The following LMBRD1 variants were observed in gnomAD, a reference collection of about 807,000 sequenced individuals.
The protein encoded by LMBRD1 is LMBR1 domain containing 1, also known as lysosomal cobalamin transport escort protein LMBD1.
Under a neutral mutation model 74.8 loss-of-function variants are expected in LMBRD1, and 64 were observed. The ratio of observed to expected loss-of-function variants is 0.86; its 90% CI spans 0.70 to 1.05. The LOEUF (loss-of-function observed/expected upper bound fraction) is 1.05, where lower values mean the gene tolerates loss of function less well. Ranked by LOEUF, LMBRD1 falls within the 50% of genes least tolerant of loss-of-function variation. The pLI is 0.00. For missense variants in LMBRD1, 652 were observed against 645.9 expected, an observed-to-expected ratio of 1.01 and a Z score of -0.10; for synonymous variants, 204 against 216.3, an observed-to-expected ratio of 0.94 and a Z score of 0.50.
rs771127012 is a variant in LMBRD1, at chr6:69,738,012, C to G, written c.566G>C (p.Gly189Ala). 1 of 1,606,768 alleles carries G rather than the reference C, an allele frequency of 6.2e-7. No individual in the cohort carries two copies. Among genetic ancestry groups the G allele is most frequent in the African/African-American group, 1.3e-5 (1 of 74,644 alleles). Residue 189 changes from glycine to alanine, a missense_variant, in exon 7 of 16, where the codon GGT becomes GCT. Gly to Ala is a moderately conservative substitution (Grantham distance 60, BLOSUM62 0). This residue lies in a region of LMBRD1 where 598 missense variants were observed against 581.8 expected (regional missense o/e 1.03). Coordinates refer to ENST00000649934, the MANE Select transcript of LMBRD1 (RefSeq NM_018368.4). ...SLFEELGSSH[G>A]LAALSFSISS... Reference sequence around the variant, plus strand: ...GATAGAAAATGACAATGCAGCTAAACCATCTGTGAAGAAAGAAAAACTGTT... The same window carrying G: ...GATAGAAAATGACAATGCAGCTAAAGCATCTGTGAAGAAAGAAAAACTGTT...
At chr6:69,707,163 T>C (rs913723850) in intron 9 of LMBRD1, among the ~76,000 whole-genome samples, 3 of 152,154 alleles carry the variant, frequency 2.0e-5, no homozygotes, top group African/African-American at 7.2e-5. Flanking sequence ...CTTGTCACAT[T>C]TCCCCCTCCA....
At chr6:69,724,221 G>A (rs770997794) in intron 7 of LMBRD1, among the ~76,000 whole-genome samples, 11 of 151,068 alleles carry the variant, frequency 7.3e-5, no homozygotes, top group East Asian at 5.9e-4. Flanking sequence ...ATCCACTGCC[G>A]AATTCTATCA....
intron 14 of LMBRD1, among the ~76,000 whole-genome samples, chr6:69,689,617 G>A (rs1765835380): frequency 6.6e-6 from 1 of 152,092 alleles, no homozygotes; most frequent in Non-Finnish European, 1.5e-5. Flanking sequence ...CATCAAGAGT[G>A]AGATTTTCCT....
intron 1 of LMBRD1, 145 bp downstream of exon 1, chr6:69,796,668 A>C (rs2149900986): frequency 3.8e-5 from 24 of 637,358 alleles, no homozygotes; most frequent in East Asian, 1.1e-4. Context: ...CCAAGCCCCC[A>C]ACACTAAGGA....
At chr6:69,720,063 T>C (rs1312677645) in intron 7 of LMBRD1, among the ~76,000 whole-genome samples, 4 of 152,228 alleles carry the variant, frequency 2.6e-5, no homozygotes, top group African/African-American at 9.6e-5. Flanking sequence ...TTAGTGTTAA[T>C]TTTAATTAGT....
intron 1 of LMBRD1, among the ~76,000 whole-genome samples, chr6:69,794,309 T>C (rs1766162588): frequency 7.0e-6 from 1 of 142,638 alleles, no homozygotes. Flanking sequence ...CAATTTAAAT[T>C]AAGACTGTGC....
At position 69,790,446 on chromosome 6, in the gene LMBRD1, A is replaced by G; in HGVS notation, c.96T>C (p.Tyr32=). 6.2e-7 allele frequency: 1 copy of G among 1,614,056 alleles called. No individual in the cohort carries two copies. The highest frequency in any genetic ancestry group is 8.5e-7 in the Non-Finnish European group (1 of 1,179,952). ...CCCGCCGACTTTGGTATTTACGAACATATATCCAGCAGAATGCCAAAATAG... is the reference window on the plus strand; with the variant it reads ...CCCGCCGACTTTGGTATTTACGAACGTATATCCAGCAGAATGCCAAAATAG... ...LLAILAFCWI[Y]VRKYQSRRES... Residue 32 remains tyrosine (Y), a synonymous_variant, in exon 2 of 16, where the codon TAT becomes TAC. Transcript: ENST00000649934.
chr6:69,718,890 T>C, intron 8 of LMBRD1, 66 bp downstream of exon 8: 1 of 1,556,652 alleles, frequency 6.4e-7, no homozygotes, highest in Non-Finnish European at 8.8e-7. Flanking sequence ...GTCTAAGTCA[T>C]ATCAGAAAGC....
intron 9 of LMBRD1, among the ~76,000 whole-genome samples, chr6:69,708,239 A>C (rs1766304930): frequency 6.6e-6 from 1 of 152,176 alleles, no homozygotes; most frequent in Admixed American, 6.5e-5. Flanking sequence ...AGGCTGTTTT[A>C]AAGAGCTATT....
intron 14 of LMBRD1, among the ~76,000 whole-genome samples, chr6:69,690,164 AAC>A (rs1292552311): frequency 1.3e-5 from 2 of 151,940 alleles, no homozygotes; most frequent in African/African-American, 4.8e-5. Context: ...TGATAATTCT[AAC>A]ACAGATTTTT....
intron 14 of LMBRD1, among the ~76,000 whole-genome samples, chr6:69,691,430 GC>G (rs1402161821): frequency 6.6e-6 from 1 of 151,994 alleles, no homozygotes; most frequent in Non-Finnish European, 1.5e-5. Context: ...AACTTATGTG[GC>G]TCTTTATGGC....
At chr6:69,727,657 A>ACT (rs1271763135) in intron 7 of LMBRD1, among the ~76,000 whole-genome samples, 1 of 152,214 alleles carries the variant, frequency 6.6e-6, no homozygotes, top group East Asian at 1.9e-4. Flanking sequence ...CAATATATGC[A>ACT]TGTCAGAAAA....
chr6:69,752,460 A>G (rs1765179862), intron 3 of LMBRD1, 104 bp from the exon 4 acceptor site: 2 of 911,386 alleles, frequency 2.2e-6, no homozygotes, highest in Middle Eastern at 3.4e-4. Flanking sequence ...TCACTCCCCT[A>G]TCTGATTCCC....
In LMBRD1 at chr6:69,674,521, A is replaced by C. The variant is rs1339903459; in HGVS notation, c.*1637T>G. Among the ~76,000 whole-genome samples, 1 of 152,226 alleles carries C rather than the reference A, an allele frequency of 6.6e-6. No homozygotes were observed. The highest frequency in any genetic ancestry group is 1.5e-5 in the Non-Finnish European group (1 of 68,044). ...TGCCATTTGTCAAAAAAATGAATGC[A>C]GAAGAAGGCTTAGTTTGCCCCCACA... On this transcript the variant is annotated 3_prime_UTR_variant, in exon 16 of 16. Coordinates refer to ENST00000649934, the MANE Select transcript of LMBRD1 (RefSeq NM_018368.4).
At chr6:69,710,840 G>C (rs548999136) in intron 9 of LMBRD1, among the ~76,000 whole-genome samples, 1 of 152,216 alleles carries the variant, frequency 6.6e-6, no homozygotes, top group South Asian at 2.1e-4. Context: ...GAAACAATGG[G>C]CAATCTCTTA....
chr6:69,741,039 C>T (rs1045647976), intron 6 of LMBRD1, among the ~76,000 whole-genome samples: 1 of 151,812 alleles, frequency 6.6e-6, no homozygotes, highest in East Asian at 1.9e-4. Context: ...CATATAAAAC[C>T]TCTAATTTAC....
At chr6:69,708,657 A>G (rs939927248) in intron 9 of LMBRD1, among the ~76,000 whole-genome samples, 1 of 152,014 alleles carries the variant, frequency 6.6e-6, no homozygotes, top group African/African-American at 2.4e-5. Context: ...GGGAACAAAA[A>G]AAAAAATCCT....
intron 12 of LMBRD1, among the ~76,000 whole-genome samples, chr6:69,700,238 T>C (rs1766096431): frequency 6.6e-6 from 1 of 151,924 alleles, no homozygotes; most frequent in Non-Finnish European, 1.5e-5. Context: ...GTCTACCTGA[T>C]ACAGCTTCAT....
At chr6:69,688,084 C>T (rs1228505667) in intron 14 of LMBRD1, among the ~76,000 whole-genome samples, 1 of 152,122 alleles carries the variant, frequency 6.6e-6, no homozygotes, top group Non-Finnish European at 1.5e-5. Context: ...ATTAGGCTCA[C>T]AGTACCACAG....
Sources: allele counts gnomAD v4.1 joint callset (sites outside exome capture counted in the v4.1 genomes callset), GRCh38; gene constraint gnomAD v4.1.1; regional missense constraint gnomAD v4.1.1; transcripts MANE v1.5; gene names NCBI Gene and HGNC (gene_info 2026-07-23, HGNC 2026-07-21).